Variants in PON2 observed in about 807,000 individuals in gnomAD.
PON2 encodes the protein serum paraoxonase/arylesterase 2.
In PON2, 27 loss-of-function variants were observed where a neutral mutation model predicts 36.6. The observed-to-expected ratio is 0.74, with a 90% CI of 0.54 to 1.02. PON2 has a LOEUF of 1.02. PON2 is among the 50% of genes least tolerant of loss of function. The pLI is 0.00. For synonymous variants in PON2, 149 were observed against 156.3 expected (o/e 0.95, Z 0.35); for missense variants, 363 against 421.1 (o/e 0.86, Z 1.21).
chr7:95,419,566 C>A (rs1384799437), intron 2 of PON2, among the ~76,000 whole-genome samples: 1 of 152,136 alleles, frequency 6.6e-6, no homozygotes, highest in African/African-American at 2.4e-5. Context: ...TCCTTTTTAG[C>A]CTTTTTAGCA....
intron 2 of PON2, among the ~76,000 whole-genome samples, chr7:95,421,526 G>A (rs1202904793): frequency 1.3e-5 from 2 of 152,180 alleles, no homozygotes; most frequent in Admixed American, 6.5e-5. Context: ...GATTGCAGCT[G>A]GAAGGCAAGA....
At chr7:95,412,835 A>C in intron 3 of PON2, 3 of 342,166 alleles carry the variant, frequency 8.8e-6, no homozygotes, top group Non-Finnish European at 1.1e-5. Flanking sequence ...TGCCTGGCAT[A>C]CAGTCCATCC....
intron 2 of PON2, among the ~76,000 whole-genome samples, chr7:95,417,716 C>CACACCCACACACACAG (rs1789100284): frequency 6.7e-6 from 1 of 148,720 alleles, no homozygotes; most frequent in Non-Finnish European, 1.5e-5. Flanking sequence ...CACACACACA[C>CACACCCACACACACAG]ACACACACAC....
intron 2 of PON2, among the ~76,000 whole-genome samples, chr7:95,420,192 C>G (rs982902019): frequency 1.3e-5 from 2 of 152,000 alleles, no homozygotes; most frequent in Admixed American, 6.5e-5. Flanking sequence ...CTGTAAAGTA[C>G]TTGATTATAA....
chr7:95,412,600 ACTC>A, intron 3 of PON2, 123 bp from the exon 4 acceptor site: 1 of 953,882 alleles, frequency 1.0e-6, no homozygotes, highest in African/African-American at 1.7e-5. Flanking sequence ...AGCCACAAAA[ACTC>A]AAAAAACAGA....
intron 3 of PON2, among the ~76,000 whole-genome samples, chr7:95,413,332 T>C (rs1788984513): frequency 1.3e-5 from 2 of 152,104 alleles, no homozygotes; most frequent in African/African-American, 4.8e-5. Context: ...TTCTTTTCTA[T>C]CTCACATTTC....
chr7:95,413,286 G>A (rs1788983532), intron 3 of PON2, among the ~76,000 whole-genome samples: 1 of 152,110 alleles, frequency 6.6e-6, no homozygotes, highest in South Asian at 2.1e-4. Context: ...GGGCAATTGA[G>A]CCAGTCCCTG....
At chr7:95,431,833 T>C (rs1789449486) in intron 1 of PON2, among the ~76,000 whole-genome samples, 1 of 151,100 alleles carries the variant, frequency 6.6e-6, no homozygotes, top group African/African-American at 2.4e-5. Flanking sequence ...AGATAAACAA[T>C]GAATGATATT....
chr7:95,420,785 CCTCT>C (rs1161977577), intron 2 of PON2, among the ~76,000 whole-genome samples: 8 of 152,046 alleles, frequency 5.3e-5, no homozygotes, highest in South Asian at 2.1e-4. Flanking sequence ...AAGAAACAGC[CCTCT>C]CTATCATAAA....
At chr7:95,424,190 G>A (rs928643713) in intron 2 of PON2, 8 of 360,554 alleles carry the variant, frequency 2.2e-5, no homozygotes, top group Non-Finnish European at 3.6e-5. Context: ...TGACCACAAG[G>A]CTCACAGAAC....
At chr7:95,416,392 T>TA in intron 2 of PON2, 95 bp from the exon 3 acceptor site, 1 of 1,380,628 alleles carries the variant, frequency 7.2e-7, no homozygotes, top group Non-Finnish European at 1.0e-6. Context: ...TCAGAGTGAC[T>TA]GTATCTTTAG....
chr7:95,405,300 G>A lies in PON2; in HGVS notation c.*30C>T, dbSNP rs950532821. On this transcript the variant is annotated 3_prime_UTR_variant, in exon 9 of 9. Transcript: ENST00000222572. ...CAATTCATAGAAAATTAATTGTTAA[G>A]TTATCGCACTTTCATGCCAAAAGTA... 1.2e-6 allele frequency: 2 copies of A among 1,608,462 alleles called. No homozygotes were observed. Among genetic ancestry groups the A allele is most frequent in the Non-Finnish European group, 1.7e-6 (2 of 1,175,236 alleles).
At position 95,434,946 on chromosome 7, in the gene PON2, C is replaced by A; in HGVS notation, c.6G>T (p.Gly2=). 1 of 1,528,204 alleles carries A rather than the reference C, an allele frequency of 6.5e-7. No homozygotes were observed. Among genetic ancestry groups the A allele is most frequent in the Non-Finnish European group, 8.8e-7 (1 of 1,141,768 alleles). 94.7% of individuals were successfully genotyped at this position (1,528,204 alleles called of 1,614,324 possible). A position where few individuals can be genotyped will look rare whatever the true frequency, so the allele number is the denominator to read the frequency against. M[G]RLVAVGLLGI... is the part of the protein sequence containing the mutation. ...CCAGCAAGCCCACAGCCACCAGCCGCCCCATGGCGCGGGAGCCGGGCGCGC... is the reference window on the plus strand; with the variant it reads ...CCAGCAAGCCCACAGCCACCAGCCGACCCATGGCGCGGGAGCCGGGCGCGC... The change falls in exon 1 of 9, where the codon GGG becomes GGT. Residue 2 remains glycine, a synonymous_variant. Coordinates refer to ENST00000222572, the MANE Select transcript of PON2 (RefSeq NM_000305.3).
At chr7:95,421,791 C>G (rs545943948) in intron 2 of PON2, among the ~76,000 whole-genome samples, 2 of 152,100 alleles carry the variant, frequency 1.3e-5, no homozygotes, top group South Asian at 2.1e-4. Flanking sequence ...GCAGATCAAC[C>G]TGAGGAAGCT....
In PON2 at chr7:95,405,324, T is replaced by A; in HGVS notation, c.*6A>T. Reference sequence around the variant, plus strand: ...AGTTATCGCACTTTCATGCCAAAAGTACAATTTAGAGTTCACAATACAAGG... The same window carrying A: ...AGTTATCGCACTTTCATGCCAAAAGAACAATTTAGAGTTCACAATACAAGG... On this transcript the variant is annotated 3_prime_UTR_variant, in exon 9 of 9. Transcript: ENST00000222572. The A allele has an allele frequency of 1.2e-6, 2 of 1,612,956 alleles. No homozygotes were observed. The highest frequency in any genetic ancestry group is 1.1e-5 in the South Asian group (1 of 91,068).
At chr7:95,410,628 A>G (rs1374094140) in intron 5 of PON2, among the ~76,000 whole-genome samples, 2 of 152,224 alleles carry the variant, frequency 1.3e-5, no homozygotes, top group Non-Finnish European at 2.9e-5. Context: ...CAGGCACTCA[A>G]TAAACACTTG....
intron 1 of PON2, among the ~76,000 whole-genome samples, chr7:95,425,856 C>T (rs1789303627): frequency 6.6e-6 from 1 of 151,700 alleles, no homozygotes; most frequent in Admixed American, 6.6e-5. Context: ...GCAAAAAGTA[C>T]AAATAAATCA....
Position 95,410,057 on chromosome 7 carries a change from G to A in PON2, c.539C>T (p.Thr180Ile), listed in dbSNP as rs756045942. The change falls in exon 6 of 9, where the codon ACA (threonine) becomes ATA (isoleucine). Residue 180 changes from threonine to isoleucine, a missense_variant. Transcript: ENST00000222572. Reference sequence around the variant, plus strand: ...AGGATCAGAGAAGTAGTGGTCATTTGTGGCATAGAAATGTGCCGGTCCAAC... The same window carrying A: ...AGGATCAGAGAAGTAGTGGTCATTTATGGCATAGAAATGTGCCGGTCCAAC... ...TAVGPAHFYA[T>I]NDHYFSDPFL... is the part of the protein sequence containing the mutation. The A allele has an allele frequency of 6.2e-7, 1 of 1,613,760 alleles. No individual in the cohort carries two copies. The highest frequency in any genetic ancestry group is 1.1e-5 in the South Asian group (1 of 91,064).
chr7:95,419,483 CTCT>C (rs1446013680), intron 2 of PON2, among the ~76,000 whole-genome samples: 5 of 152,198 alleles, frequency 3.3e-5, no homozygotes, highest in African/African-American at 1.2e-4. Flanking sequence ...TAATTTCCAT[CTCT>C]TCTTATTACT....
Sources: allele counts gnomAD v4.1 joint callset (sites outside exome capture counted in the v4.1 genomes callset), GRCh38; gene constraint gnomAD v4.1.1; transcripts MANE v1.5; gene names NCBI Gene and HGNC (gene_info 2026-07-23, HGNC 2026-07-21).